The following ROBO1 variants were observed in gnomAD, a reference collection of about 807,000 sequenced individuals.
The protein encoded by ROBO1 is roundabout guidance receptor 1, also known as roundabout homolog 1.
In ROBO1, 149 loss-of-function variants were observed where a neutral mutation model predicts 195.9. The observed-to-expected ratio is 0.76, with a 90% CI of 0.67 to 0.87. The LOEUF (loss-of-function observed/expected upper bound fraction) is 0.87. Ranked by LOEUF, ROBO1 falls within the 40% of genes least tolerant of loss-of-function variation. The probability of loss-of-function intolerance (pLI) is 0.00; values close to 1 mark genes in which losing one functional copy is unlikely to be tolerated. For missense variants in ROBO1, 1,933 were observed against 2,068.3 expected (o/e 0.93, Z 1.27); for synonymous variants, 816 against 733.2 (o/e 1.11, Z -1.82).
At chr3:78,721,546 A>C (rs1187294122) in intron 5 of ROBO1, among the ~76,000 whole-genome samples, 2 of 152,182 alleles carry the variant, frequency 1.3e-5, no homozygotes, top group East Asian at 3.8e-4. Flanking sequence ...TGATACATAA[A>C]AGATATACCA....
At chr3:79,760,651 C>T (rs1359329636) in intron 1 of ROBO1, among the ~76,000 whole-genome samples, 1 of 150,052 alleles carries the variant, frequency 6.7e-6, no homozygotes, top group East Asian at 1.9e-4. Flanking sequence ...AAAACATGCT[C>T]ACCACACTAA....
intron 1 of ROBO1, among the ~76,000 whole-genome samples, chr3:79,600,335 C>T (rs9309825): frequency 0.57 from 87,058 of 151,730 alleles, 26,813 homozygotes; most frequent in East Asian, 0.7. Context: ...GAATAAAAAA[C>T]GCTTGAACAT....
intron 2 of ROBO1, among the ~76,000 whole-genome samples, chr3:79,193,604 T>G (rs1484735899): frequency 1.4e-5 from 2 of 145,374 alleles, no homozygotes; most frequent in South Asian, 2.1e-4. Context: ...TTTTTTTTTT[T>G]GTATCAGAAA....
intron 1 of ROBO1, among the ~76,000 whole-genome samples, chr3:79,593,311 C>T (rs1944064088): frequency 6.6e-6 from 1 of 151,996 alleles, no homozygotes; most frequent in Non-Finnish European, 1.5e-5. Context: ...TAAGACAATG[C>T]TTATTATTGC....
chr3:79,143,335 T>G (rs749139215), intron 2 of ROBO1, among the ~76,000 whole-genome samples: 6 of 152,000 alleles, frequency 3.9e-5, no homozygotes, highest in Non-Finnish European at 7.4e-5. Context: ...AGCTTCTAGG[T>G]AAAAAATTCT....
At chr3:79,493,834 T>G (rs917938258) in intron 2 of ROBO1, among the ~76,000 whole-genome samples, 1 of 152,200 alleles carries the variant, frequency 6.6e-6, no homozygotes, top group Non-Finnish European at 1.5e-5. Flanking sequence ...TATTCATCAT[T>G]TCTTTTGTTA....
chr3:78,655,389 C>A (rs983145051), intron 18 of ROBO1, among the ~76,000 whole-genome samples: 1 of 152,088 alleles, frequency 6.6e-6, no homozygotes, highest in African/African-American at 2.4e-5. Flanking sequence ...CATGTCTAGA[C>A]CTGTACCACT....
At chr3:79,623,711 C>A (rs976059423) in intron 1 of ROBO1, among the ~76,000 whole-genome samples, 1 of 152,058 alleles carries the variant, frequency 6.6e-6, no homozygotes, top group African/African-American at 2.4e-5. Flanking sequence ...ACGACCAAAC[C>A]TACAATTGAT....
At chr3:79,489,171 A>T (rs1326586004) in intron 2 of ROBO1, among the ~76,000 whole-genome samples, 1 of 151,894 alleles carries the variant, frequency 6.6e-6, no homozygotes, top group African/African-American at 2.4e-5. Flanking sequence ...ATAAGACTTC[A>T]GACTAATCAA....
At chr3:78,987,080 C>A (rs1366785855) in intron 3 of ROBO1, among the ~76,000 whole-genome samples, 1 of 148,658 alleles carries the variant, frequency 6.7e-6, no homozygotes, top group East Asian at 2.0e-4. Context: ...CCTCTCCCCC[C>A]AAAACATGAC....
At chr3:78,958,423 A>G (rs1326147033) in intron 3 of ROBO1, among the ~76,000 whole-genome samples, 1 of 152,222 alleles carries the variant, frequency 6.6e-6, no homozygotes, top group African/African-American at 2.4e-5. Context: ...TTTATCCATT[A>G]GGCTAACATT....
intron 2 of ROBO1, among the ~76,000 whole-genome samples, chr3:79,336,581 G>T (rs2034677721): frequency 6.6e-6 from 1 of 152,180 alleles, no homozygotes; most frequent in African/African-American, 2.4e-5. Context: ...CCAGGCAGAG[G>T]TGTGCTGCAT....
chr3:79,066,215 A>G (rs1019541219), intron 3 of ROBO1, among the ~76,000 whole-genome samples: 20 of 152,026 alleles, frequency 1.3e-4, no homozygotes, highest in Admixed American at 1.2e-3. Context: ...AAGATCATAA[A>G]GTAAGGCAGG....
At chr3:78,793,117 A>T (rs1488921314) in intron 4 of ROBO1, among the ~76,000 whole-genome samples, 1 of 114,896 alleles carries the variant, frequency 8.7e-6, no homozygotes, top group African/African-American at 3.1e-5. Flanking sequence ...TGAGACAACA[A>T]CAACAACAAA....
intron 2 of ROBO1, among the ~76,000 whole-genome samples, chr3:79,332,563 C>G (rs1046916352): frequency 1.3e-5 from 2 of 152,094 alleles, no homozygotes; most frequent in Non-Finnish European, 2.9e-5. Flanking sequence ...TTTCTACATC[C>G]CTGGCATCTA....
At chr3:79,022,297 A>T (rs1017436975) in intron 3 of ROBO1, among the ~76,000 whole-genome samples, 2 of 152,228 alleles carry the variant, frequency 1.3e-5, no homozygotes, top group African/African-American at 4.8e-5. Context: ...CTATAGGGAC[A>T]AGATGCAAAT....
chr3:79,440,981 CATT>C (rs555413315), intron 2 of ROBO1, among the ~76,000 whole-genome samples: 1 of 152,108 alleles, frequency 6.6e-6, no homozygotes, highest in African/African-American at 2.4e-5. Context: ...AATAAAAAAA[CATT>C]AATATCAAGT....
chr3:79,589,715 T>C (rs933369067), intron 2 of ROBO1, 109 bp downstream of exon 2: 5 of 865,638 alleles, frequency 5.8e-6, no homozygotes, highest in African/African-American at 3.4e-5. Flanking sequence ...ACTTACAAGT[T>C]CCAAAGAAAA....
intron 1 of ROBO1, among the ~76,000 whole-genome samples, chr3:79,746,521 T>C (rs555140800): frequency 3.7e-4 from 57 of 152,064 alleles, no homozygotes; most frequent in Admixed American, 2.2e-3. Flanking sequence ...ACAAAAGTAA[T>C]TTCAATGACC....
Sources: allele counts gnomAD v4.1 joint callset (sites outside exome capture counted in the v4.1 genomes callset), GRCh38; gene constraint gnomAD v4.1.1; transcripts MANE v1.5; gene names NCBI Gene and HGNC (gene_info 2026-07-23, HGNC 2026-07-21).